Variants in TSHZ3 observed in about 807,000 individuals in gnomAD.
TSHZ3 encodes teashirt zinc finger homeobox 3, also known as teashirt homolog 3.
Under a neutral mutation model 64.5 loss-of-function variants are expected in TSHZ3, and 10 were observed. That is an observed-to-expected ratio of 0.16 (90% confidence interval 0.10 to 0.26). The LOEUF is 0.26. Ranked by LOEUF, TSHZ3 falls within the 10% of genes least tolerant of loss-of-function variation. The pLI is 1.00. For missense variants in TSHZ3, 1,242 were observed against 1,421.7 expected, an observed-to-expected ratio of 0.87 and a Z score of 2.03; for synonymous variants, 608 against 593.1, an observed-to-expected ratio of 1.03 and a Z score of -0.36.
chr19:31,315,460 G>C (rs1485875549), intron 1 of TSHZ3, among the ~76,000 whole-genome samples: 2 of 152,184 alleles, frequency 1.3e-5, no homozygotes, highest in Admixed American at 6.5e-5. Flanking sequence ...ATACTGCCAG[G>C]TGGCAGGACA....
At chr19:31,199,277 G>A (rs1335402505) in intron 5 of TSHZ3, among the ~76,000 whole-genome samples, 3 of 151,402 alleles carry the variant, frequency 2.0e-5, no homozygotes, top group Non-Finnish European at 4.4e-5. Context: ...CGTGGCGGGC[G>A]CCTGTAGTCC....
At chr19:31,300,005 AT>A (rs1976726296) in intron 1 of TSHZ3, among the ~76,000 whole-genome samples, 1 of 152,234 alleles carries the variant, frequency 6.6e-6, no homozygotes, top group Non-Finnish European at 1.5e-5. Flanking sequence ...GCAATTTGAC[AT>A]TCAGAGATAA....
chr19:31,307,572 C>A (rs1427382441), intron 1 of TSHZ3, among the ~76,000 whole-genome samples: 1 of 152,190 alleles, frequency 6.6e-6, no homozygotes, highest in Non-Finnish European at 1.5e-5. Flanking sequence ...GGGTGCCCCC[C>A]AAGCCTCTTG....
chr19:31,288,050 T>C (rs1191206999), intron 1 of TSHZ3, among the ~76,000 whole-genome samples: 8 of 152,178 alleles, frequency 5.3e-5, no homozygotes, highest in Admixed American at 5.2e-4. Flanking sequence ...TCCTCCCACC[T>C]CAGCCTCCTG....
chr19:31,213,132 G>C (rs1390146335), intron 4 of TSHZ3, among the ~76,000 whole-genome samples: 1 of 151,822 alleles, frequency 6.6e-6, no homozygotes, highest in Non-Finnish European at 1.5e-5. Context: ...GAGGCGGGTG[G>C]ATTGCCTGAA....
chr19:31,187,394 A>C (rs1346557952), intron 5 of TSHZ3, among the ~76,000 whole-genome samples: 2 of 85,620 alleles, frequency 2.3e-5, no homozygotes, highest in Non-Finnish European at 4.6e-5. Context: ...TTCACGTTTA[A>C]TCGTGTTTTT....
chr19:31,154,912 A>G (rs1448103896), intron 6 of TSHZ3, among the ~76,000 whole-genome samples: 1 of 152,176 alleles, frequency 6.6e-6, no homozygotes, highest in African/African-American at 2.4e-5. Flanking sequence ...GGCACTTGCC[A>G]TGTGTTGTCT....
intron 1 of TSHZ3, among the ~76,000 whole-genome samples, chr19:31,339,812 G>A (rs1450562332): frequency 6.6e-6 from 1 of 151,702 alleles, no homozygotes; most frequent in Admixed American, 6.6e-5. Flanking sequence ...AAAAAGGGGG[G>A]GGCGTTCTGC....
At chr19:31,315,611 T>C (rs1186663258) in intron 1 of TSHZ3, among the ~76,000 whole-genome samples, 1 of 152,084 alleles carries the variant, frequency 6.6e-6, no homozygotes, top group Non-Finnish European at 1.5e-5. Context: ...ATATGAGAAA[T>C]ACAATTGGAA....
At chr19:31,182,588 T>A (rs775126377) in intron 5 of TSHZ3, among the ~76,000 whole-genome samples, 1 of 151,774 alleles carries the variant, frequency 6.6e-6, no homozygotes, top group Non-Finnish European at 1.5e-5. Context: ...AAGCAGAGAG[T>A]CAAATAGAAT....
intron 6 of TSHZ3, among the ~76,000 whole-genome samples, chr19:31,155,686 GAC>G (rs1297592048): frequency 6.6e-6 from 1 of 152,166 alleles, no homozygotes; most frequent in Non-Finnish European, 1.5e-5. Flanking sequence ...ATGGCTTTCA[GAC>G]ACACACCCAA....
chr19:31,167,522 T>C (rs1371399533), intron 5 of TSHZ3: 1 of 152,098 alleles, frequency 6.6e-6, no homozygotes, highest in Non-Finnish European at 1.5e-5. Context: ...CATTCCGAGA[T>C]TGTGTGCTGA....
intron 3 of TSHZ3, among the ~76,000 whole-genome samples, chr19:31,241,932 C>A (rs1361081534): frequency 6.6e-6 from 1 of 152,166 alleles, no homozygotes; most frequent in Non-Finnish European, 1.5e-5. Context: ...TTCACTGGGC[C>A]CACATACCTC....
chr19:31,345,653 T>G (rs879627160), intron 1 of TSHZ3, among the ~76,000 whole-genome samples: 10 of 151,874 alleles, frequency 6.6e-5, no homozygotes, highest in Admixed American at 3.9e-4. Context: ...TGCTGGCAAA[T>G]TGTGGTTCGA....
chr19:31,199,390 G>A (rs1350193164), intron 5 of TSHZ3, among the ~76,000 whole-genome samples: 8 of 114,454 alleles, frequency 7.0e-5, no homozygotes, highest in South Asian at 3.1e-4. Context: ...ATGACAGAGC[G>A]AGACTCCGCC....
rs879755269 is a variant in TSHZ3 at position 31,232,927 on chromosome 19, C to T, written n.551-4787G>A. 3.9e-5 allele frequency among the ~76,000 whole-genome samples: 6 copies of T among 152,144 alleles called. No homozygotes were observed. The South Asian group carries it at 8.3e-4, about 21-fold the overall frequency. ...TTCCTTTTTATGGCTGAGTAGTATT[C>T]CGTGGTCTAAATGTATTATAGTTGT... On this transcript the variant is annotated intron_variant and non_coding_transcript_variant, in intron 3 of 6. Coordinates refer to the TSHZ3 transcript ENST00000651361.
chr19:31,277,084 G>A lies in TSHZ3; in HGVS notation c.2709C>T (p.Leu903=). The change falls in exon 2 of 2, where the codon CTC becomes CTT. Residue 903 remains leucine, a synonymous_variant. Coordinates refer to ENST00000240587, the MANE Select transcript of TSHZ3 (RefSeq NM_020856.4). This position sits in a 1 kb window ranked among gnomAD's most constrained non-coding sequence, Gnocchi z 4.5. ...GRQSNWNPQH[L]LILQAQFAAS... ...CGGCAAACTGGGCCTGGAGGATCAG[G>A]AGGTGCTGGGGGTTCCAGTTTGACT... is the stretch of plus-strand genomic sequence containing the variant. The A allele has an allele frequency of 6.2e-7, 1 of 1,607,254 alleles. No homozygotes were observed.
In TSHZ3 at chr19:31,276,376, T is replaced by G. The variant is rs1214942729; in HGVS notation, c.*171A>C. On this transcript the variant is annotated 3_prime_UTR_variant, in exon 2 of 2. Coordinates refer to ENST00000240587, the MANE Select transcript of TSHZ3 (RefSeq NM_020856.4). ...TATTTTACCAGTAACAACAGCTGATTATGCACCTCTATTAAACACTGTACA... is the reference window on the plus strand; with the variant it reads ...TATTTTACCAGTAACAACAGCTGATGATGCACCTCTATTAAACACTGTACA... The G allele has an allele frequency of 3.7e-6, 2 of 537,874 alleles. No individual in the cohort carries two copies. The highest frequency in any genetic ancestry group is 6.0e-5 in the East Asian group (2 of 33,196). 33.3% of individuals were successfully genotyped at this position (537,874 alleles called of 1,614,324 possible).
chr19:31,299,797 G>A, intron 1 of TSHZ3, among the ~76,000 whole-genome samples: 1 of 152,210 alleles, frequency 6.6e-6, no homozygotes, highest in Non-Finnish European at 1.5e-5. Context: ...CGGGACCCAA[G>A]TCTCTGAGGC....
Sources: gnomAD v4.1 joint callset for allele counts (sites outside exome capture counted in the v4.1 genomes callset) on GRCh38, gnomAD v4.1.1 for gene constraint, Gnocchi (gnomAD v3.1) non-coding constraint, MANE v1.5 for transcripts, NCBI Gene and HGNC (gene_info 2026-07-23, HGNC 2026-07-21) for gene names.